The following TRA2B variants were observed in gnomAD, a reference collection of about 807,000 sequenced individuals.
TRA2B encodes the protein transformer-2 protein homolog beta.
TRA2B carries 14 observed loss-of-function variants against 41.7 expected under a neutral mutation model. The ratio of observed to expected loss-of-function variants is 0.34; its 90% CI spans 0.22 to 0.53. The LOEUF (loss-of-function observed/expected upper bound fraction) is 0.53, where lower values mean the gene tolerates loss of function less well. Among genes scored for constraint, TRA2B ranks in the 20% least tolerant of loss-of-function variants. The probability of loss-of-function intolerance (pLI) is 0.95; values close to 1 mark genes in which losing one functional copy is unlikely to be tolerated. For synonymous variants in TRA2B, 130 were observed against 128.8 expected, an observed-to-expected ratio of 1.01 and a Z score of -0.06; for missense variants, 167 against 396.8, an observed-to-expected ratio of 0.42 and a Z score of 4.92.
chr3:185,932,425 C>A (rs1744185354), intron 1 of TRA2B, among the ~76,000 whole-genome samples: 1 of 152,104 alleles, frequency 6.6e-6, no homozygotes, highest in Admixed American at 6.5e-5. Flanking sequence ...TTAAGTGTAA[C>A]CCACCCCCTG....
intron 1 of TRA2B, chr3:185,935,235 C>T (rs1744302391): frequency 1.0e-6 from 1 of 985,368 alleles, no homozygotes; most frequent in Non-Finnish European, 1.2e-6. Context: ...GTCTTGAATC[C>T]GGAGATGAAA....
rs1300235500 is a variant in TRA2B, at chr3:185,914,680, A to G, written c.*3035T>C. ...TTCTGGCTTTTTGATGACATTTGGC[A>G]TAAGCTAGCATTAAGTCCAATCCTA... is the stretch of plus-strand genomic sequence containing the variant. On this transcript the variant is annotated 3_prime_UTR_variant, in exon 9 of 9. Transcript: ENST00000453386. 6.6e-6 allele frequency among the ~76,000 whole-genome samples: 1 copy of G among 152,184 alleles called. No individual in the cohort carries two copies. The highest frequency in any genetic ancestry group is 1.5e-5 in the Non-Finnish European group (1 of 68,036).
In TRA2B at chr3:185,923,781, C is replaced by CG. The variant is rs764101784; in HGVS notation, c.522+14dup. The CG allele has an allele frequency of 6.3e-7, 1 of 1,592,546 alleles. No homozygotes were observed. Among genetic ancestry groups the CG allele is most frequent in the Non-Finnish European group, 8.5e-7 (1 of 1,170,338 alleles). On this transcript the variant is annotated intron_variant, in intron 4 of 8. Transcript: ENST00000453386. ...ATAGAACTGATGGTTTACAAAGGAA[C>CG]GGGCTTTTACTTACTTCCTTGGCAT...
chr3:185,926,361 T>A (rs1030251778), intron 2 of TRA2B, among the ~76,000 whole-genome samples: 5 of 152,182 alleles, frequency 3.3e-5, no homozygotes, highest in Non-Finnish European at 7.4e-5. Flanking sequence ...TTGCCTTTTA[T>A]AAAGAAGCTA....
chr3:185,919,613 G>T (rs1743637750), intron 6 of TRA2B, 117 bp from the exon 7 acceptor site: 1 of 797,088 alleles, frequency 1.3e-6, no homozygotes, highest in Non-Finnish European at 1.9e-6. Context: ...TTTCTTGCAG[G>T]TCAAGTGATT....
intron 1 of TRA2B, chr3:185,935,723 T>C: frequency 9.1e-6 from 9 of 985,464 alleles, no homozygotes; most frequent in Non-Finnish European, 1.1e-5. Flanking sequence ...TTGAGCTTTA[T>C]GGTTTTCCCA....
Position 185,915,942 on chromosome 3 carries a change from A to G in TRA2B, c.*1773T>C, listed in dbSNP as rs775658570. 6.6e-5 allele frequency: 10 copies of G among 152,174 alleles called. No homozygotes were observed. The highest frequency in any genetic ancestry group is 1.2e-4 in the Non-Finnish European group (8 of 68,026). 9.4% of individuals were successfully genotyped at this position (152,174 alleles called of 1,614,324 possible). A position where few individuals can be genotyped will look rare whatever the true frequency, so the allele number is the denominator to read the frequency against. ...AGCCTTTAATGTATCCATCCATAAC[A>G]CAACCCCCTCTGGGACCACACCCTA... On this transcript the variant is annotated 3_prime_UTR_variant, in exon 9 of 9. Coordinates refer to ENST00000453386, the MANE Select transcript of TRA2B (RefSeq NM_004593.3).
chr3:185,923,079 C>G (rs1049274903), intron 4 of TRA2B: 1 of 152,270 alleles, frequency 6.6e-6, no homozygotes, highest in Non-Finnish European at 1.5e-5. Flanking sequence ...GTTGGGAGTT[C>G]GAGACCACCC....
chr3:185,923,399 A>C (rs1328405906), intron 4 of TRA2B: 1 of 154,982 alleles, frequency 6.5e-6, no homozygotes, highest in African/African-American at 2.4e-5. Context: ...TCAAATCTTG[A>C]CTCTATATTC....
chr3:185,924,050 G>C, intron 3 of TRA2B, 66 bp from the exon 4 acceptor site: 2 of 1,462,444 alleles, frequency 1.4e-6, no homozygotes, highest in Admixed American at 4.3e-5. Context: ...TTTAAAAAGG[G>C]AGCTGTATAC....
chr3:185,923,555 G>A (rs931095806), intron 4 of TRA2B: 2 of 330,246 alleles, frequency 6.1e-6, no homozygotes, highest in African/African-American at 2.1e-5. Context: ...ACATATCCTG[G>A]CGGAATTGGG....
chr3:185,936,894 A>G lies in TRA2B; in HGVS notation c.36+931T>C, dbSNP rs1744381991. 5 of 985,148 alleles carry G rather than the reference A, an allele frequency of 5.1e-6. No homozygotes were observed. The South Asian group carries it at 2.3e-4, about 46-fold the overall frequency. 61.0% of individuals were successfully genotyped at this position (985,148 alleles called of 1,614,324 possible). On this transcript the variant is annotated intron_variant, in intron 1 of 8. Coordinates refer to ENST00000453386, the MANE Select transcript of TRA2B (RefSeq NM_004593.3). Reference sequence around the variant, plus strand: ...CTGTCTTGTTCCCGCAATTCAATCAACCCTCACTGAACACCTTTAAGAGGT... The same window carrying G: ...CTGTCTTGTTCCCGCAATTCAATCAGCCCTCACTGAACACCTTTAAGAGGT...
intron 1 of TRA2B, among the ~76,000 whole-genome samples, chr3:185,932,156 C>A (rs1744172583): frequency 6.6e-6 from 1 of 151,964 alleles, no homozygotes; most frequent in Non-Finnish European, 1.5e-5. Context: ...TTTCACACTT[C>A]TTATTATATT....
chr3:185,923,653 G>A, intron 4 of TRA2B, 143 bp downstream of exon 4: 1 of 695,668 alleles, frequency 1.4e-6, no homozygotes, highest in Non-Finnish European at 2.2e-6. Flanking sequence ...TATTCTGCAT[G>A]TATCTTGAGT....
chr3:185,922,841 T>C (rs1743792629), intron 4 of TRA2B: 1 of 152,224 alleles, frequency 6.6e-6, no homozygotes, highest in Non-Finnish European at 1.5e-5. Context: ...CTAAATAGAA[T>C]TTAAGTTTCT....
chr3:185,935,887 C>G (rs1341895716), intron 1 of TRA2B: 1 of 984,826 alleles, frequency 1.0e-6, no homozygotes, highest in Non-Finnish European at 1.2e-6. Flanking sequence ...AAAGCGAAGA[C>G]TCTTATGTAA....
At chr3:185,930,365 T>C (rs1416950879) in intron 1 of TRA2B, among the ~76,000 whole-genome samples, 1 of 152,086 alleles carries the variant, frequency 6.6e-6, no homozygotes, top group Non-Finnish European at 1.5e-5. Context: ...GGCAAGAAAT[T>C]TGACAAAGGA....
intron 1 of TRA2B, chr3:185,936,491 G>A: frequency 1.0e-6 from 1 of 985,298 alleles, no homozygotes; most frequent in Non-Finnish European, 1.2e-6. Flanking sequence ...AAGCAGTTTG[G>A]GCTCCAAAAT....
chr3:185,930,996 A>C (rs962421521), intron 1 of TRA2B, among the ~76,000 whole-genome samples: 2 of 152,202 alleles, frequency 1.3e-5, no homozygotes, highest in African/African-American at 4.8e-5. Flanking sequence ...ATCCCTGTGT[A>C]TTTAGCAAAT....
Sources: gnomAD v4.1 joint callset for allele counts (sites outside exome capture counted in the v4.1 genomes callset) on GRCh38, gnomAD v4.1.1 for gene constraint, MANE v1.5 for transcripts, NCBI Gene and HGNC (gene_info 2026-07-23, HGNC 2026-07-21) for gene names.